PNPLA8: variants seen among roughly 807,000 people sequenced by gnomAD.
The protein encoded by PNPLA8 is patatin like domain 8, phospholipase A2, also known as calcium-independent phospholipase A2-gamma.
A neutral mutation model predicts 76.9 loss-of-function variants in PNPLA8; 39 were observed. The ratio of observed to expected loss-of-function variants is 0.51; its 90% CI spans 0.39 to 0.66. The LOEUF (loss-of-function observed/expected upper bound fraction) is 0.66. PNPLA8 is among the 30% of genes least tolerant of loss of function. The pLI is 0.00. For missense variants in PNPLA8, 887 were observed against 918.0 expected, an observed-to-expected ratio of 0.97 and a Z score of 0.44; for synonymous variants, 301 against 307.9, an observed-to-expected ratio of 0.98 and a Z score of 0.24.
intron 8 of PNPLA8, among the ~76,000 whole-genome samples, chr7:108,488,178 T>C (rs1433258312): frequency 2.6e-5 from 4 of 152,164 alleles, no homozygotes; most frequent in Admixed American, 2.0e-4. Context: ...AGAATAATAA[T>C]AAAAGAGATT....
At chr7:108,485,416 A>G (rs1194901254) in intron 9 of PNPLA8, among the ~76,000 whole-genome samples, 1 of 152,118 alleles carries the variant, frequency 6.6e-6, no homozygotes, top group Non-Finnish European at 1.5e-5. Context: ...CATAACTCTT[A>G]ATTATATCAC....
intron 4 of PNPLA8, among the ~76,000 whole-genome samples, chr7:108,504,174 A>G (rs1344015057): frequency 6.6e-6 from 1 of 152,214 alleles, no homozygotes; most frequent in Non-Finnish European, 1.5e-5. Flanking sequence ...TGCCAAACAG[A>G]AGAACAAATA....
chr7:108,514,365 T>A (rs1326210965), intron 3 of PNPLA8, 71 bp downstream of exon 3: 1 of 1,537,948 alleles, frequency 6.5e-7, no homozygotes, highest in Non-Finnish European at 8.8e-7. Flanking sequence ...GTTTCTTAGT[T>A]CTCATTAGGA....
chr7:108,488,854 C>G (rs913583334), intron 8 of PNPLA8, among the ~76,000 whole-genome samples: 3 of 152,180 alleles, frequency 2.0e-5, no homozygotes, highest in Admixed American at 6.5e-5. Flanking sequence ...GTAATACAAA[C>G]TTAAGAGGCT....
chr7:108,481,127 T>C (rs180726862), intron 9 of PNPLA8, among the ~76,000 whole-genome samples: 43 of 152,348 alleles, frequency 2.8e-4, no homozygotes, highest in African/African-American at 9.6e-4. Flanking sequence ...GACCTCTGGG[T>C]TGTTTCCAGC....
chr7:108,472,691 A>C lies in PNPLA8; in HGVS notation c.2075-16T>G. Reference sequence around the variant, plus strand: ...ATATGGACTTCTGTTAAAGCAAAAAAGAAAAGGATAAGGGGATAAGAAAAG... The same window carrying C: ...ATATGGACTTCTGTTAAAGCAAAAACGAAAAGGATAAGGGGATAAGAAAAG... On this transcript the variant is annotated splice_polypyrimidine_tract_variant and intron_variant, in intron 10 of 10. Transcript: ENST00000257694. The C allele has an allele frequency of 6.5e-7, 1 of 1,549,768 alleles. No homozygotes were observed. The highest frequency in any genetic ancestry group is 1.2e-5 in the South Asian group (1 of 80,388).
intron 9 of PNPLA8, among the ~76,000 whole-genome samples, chr7:108,480,100 C>T (rs1860289615): frequency 6.6e-6 from 1 of 152,134 alleles, no homozygotes; most frequent in African/African-American, 2.4e-5. Flanking sequence ...AGCATGGTGG[C>T]TCATGCCTGT....
intron 5 of PNPLA8, among the ~76,000 whole-genome samples, chr7:108,501,459 A>C (rs867839516): frequency 5.9e-5 from 9 of 152,258 alleles, no homozygotes; most frequent in Middle Eastern, 3.2e-3. Context: ...CAGGAAGTTA[A>C]TATAGCCTCA....
chr7:108,489,297 C>T (rs752735192), intron 8 of PNPLA8, among the ~76,000 whole-genome samples: 6 of 152,172 alleles, frequency 3.9e-5, no homozygotes, highest in Non-Finnish European at 7.3e-5. Flanking sequence ...CTGATCTAAT[C>T]GGCCTACTGC....
intron 9 of PNPLA8, among the ~76,000 whole-genome samples, chr7:108,481,182 C>T (rs1860369181): frequency 6.6e-6 from 1 of 152,290 alleles, no homozygotes; most frequent in East Asian, 1.9e-4. Flanking sequence ...CATGTGAGTA[C>T]AGGATTCTGC....
At chr7:108,475,549 T>C (rs1859927477) in intron 10 of PNPLA8, among the ~76,000 whole-genome samples, 1 of 152,178 alleles carries the variant, frequency 6.6e-6, no homozygotes, top group South Asian at 2.1e-4. Context: ...TTCCAATTCA[T>C]GAACACAGTA....
intron 2 of PNPLA8, among the ~76,000 whole-genome samples, chr7:108,517,745 C>T (rs894799712): frequency 2.6e-5 from 4 of 152,112 alleles, no homozygotes; most frequent in African/African-American, 9.7e-5. Context: ...GGGGAGCTTA[C>T]ATATATATGT....
intron 8 of PNPLA8, among the ~76,000 whole-genome samples, chr7:108,488,284 A>G (rs1395337715): frequency 6.6e-6 from 1 of 152,234 alleles, no homozygotes; most frequent in African/African-American, 2.4e-5. Flanking sequence ...AGTAATGAAT[A>G]AAAACTGCTT....
intron 1 of PNPLA8, among the ~76,000 whole-genome samples, chr7:108,522,021 C>A (rs1412362566): frequency 6.6e-6 from 1 of 152,056 alleles, no homozygotes; most frequent in Admixed American, 6.5e-5. Flanking sequence ...ACAGGCCGGG[C>A]GTGGTGGCTC....
upstream of PNPLA8, chr7:108,526,139 GCAGCAGCTAGGTCGCCACC>G: frequency 1.0e-6 from 1 of 965,284 alleles, no homozygotes; most frequent in Non-Finnish European, 1.2e-6. Flanking sequence ...AAACACTGGC[GCAGCAGCTAGGTCGCCACC>G]CACTCAGCCC....
At chr7:108,496,808 T>TG in intron 6 of PNPLA8, 53 bp from the exon 7 acceptor site, 2 of 1,240,534 alleles carry the variant, frequency 1.6e-6, no homozygotes, top group Non-Finnish European at 1.1e-6. Flanking sequence ...GCCCTTATGA[T>TG]GTAAGATTTC....
intron 2 of PNPLA8, among the ~76,000 whole-genome samples, chr7:108,520,633 T>C (rs1863668703): frequency 6.6e-6 from 1 of 152,204 alleles, no homozygotes; most frequent in Non-Finnish European, 1.5e-5. Flanking sequence ...TTCAAGGTGA[T>C]GCATATTCTA....
At chr7:108,499,575 CG>C (rs1861799624) in intron 5 of PNPLA8, among the ~76,000 whole-genome samples, 1 of 152,126 alleles carries the variant, frequency 6.6e-6, no homozygotes, top group Non-Finnish European at 1.5e-5. Context: ...CTTTGTTTTG[CG>C]GGGCTGTCCT....
chr7:108,495,193 C>T (rs1861465456), intron 7 of PNPLA8, among the ~76,000 whole-genome samples: 1 of 152,098 alleles, frequency 6.6e-6, no homozygotes, highest in Admixed American at 6.5e-5. Context: ...TCCTCTGGCC[C>T]ACAATTTTAC....
Sources: allele counts gnomAD v4.1 joint callset (sites outside exome capture counted in the v4.1 genomes callset), GRCh38; gene constraint gnomAD v4.1.1; transcripts MANE v1.5; gene names NCBI Gene and HGNC (gene_info 2026-07-23, HGNC 2026-07-21).